SAMD3: variants seen among roughly 807,000 people sequenced by gnomAD.
SAMD3 encodes the protein sterile alpha motif domain-containing protein 3.
Under a neutral mutation model 58.5 loss-of-function variants are expected in SAMD3, and 63 were observed. That is an observed-to-expected ratio of 1.08 (90% CI 0.88 to 1.33). The LOEUF (loss-of-function observed/expected upper bound fraction) is 1.33. Among genes scored for constraint, SAMD3 ranks in the 40% most tolerant of loss-of-function variants. SAMD3 has a pLI of 0.00. For missense variants in SAMD3, 604 were observed against 608.4 expected, an observed-to-expected ratio of 0.99 and a Z score of 0.08; for synonymous variants, 220 against 210.3, an observed-to-expected ratio of 1.05 and a Z score of -0.40.
intron 1 of SAMD3, among the ~76,000 whole-genome samples, chr6:130,359,550 A>G (rs1404390805): frequency 6.6e-6 from 1 of 152,216 alleles, no homozygotes; most frequent in Non-Finnish European, 1.5e-5. Context: ...TCCTTTGAAC[A>G]AAGGATTTCT....
intron 5 of SAMD3, among the ~76,000 whole-genome samples, chr6:130,208,038 C>G (rs902246419): frequency 1.3e-5 from 2 of 152,234 alleles, no homozygotes; most frequent in African/African-American, 4.8e-5. Context: ...GAGGCAACAA[C>G]AGTCCACTTG....
intron 1 of SAMD3, among the ~76,000 whole-genome samples, chr6:130,331,680 T>G (rs1254276037): frequency 1.3e-5 from 2 of 152,100 alleles, no homozygotes; most frequent in Non-Finnish European, 2.9e-5. Flanking sequence ...GATAGCACCA[T>G]TGCACTCCAG....
intron 2 of SAMD3, among the ~76,000 whole-genome samples, chr6:130,256,294 G>T (rs1471907709): frequency 6.6e-6 from 1 of 151,636 alleles, no homozygotes; most frequent in African/African-American, 2.4e-5. Flanking sequence ...TCTGCAACTA[G>T]GACTTTTATA....
intron 5 of SAMD3, among the ~76,000 whole-genome samples, chr6:130,197,350 C>T (rs1480216701): frequency 5.3e-5 from 8 of 152,186 alleles, no homozygotes; most frequent in Admixed American, 3.3e-4. Flanking sequence ...CGGTTTACAC[C>T]GTTTCTCCAA....
At chr6:130,208,123 C>T (rs566343928) in intron 5 of SAMD3, among the ~76,000 whole-genome samples, 1 of 152,312 alleles carries the variant, frequency 6.6e-6, no homozygotes, top group South Asian at 2.1e-4. Context: ...AGAATAATGC[C>T]CACCTTGCAG....
At chr6:130,182,076 A>AC (rs1562407837) in intron 7 of SAMD3, among the ~76,000 whole-genome samples, 2 of 147,612 alleles carry the variant, frequency 1.4e-5, no homozygotes, top group African/African-American at 5.0e-5. Context: ...AAAAAAAAAA[A>AC]AAAAAAAAAA....
intron 5 of SAMD3, among the ~76,000 whole-genome samples, chr6:130,190,596 A>G (rs757368845): frequency 1.3e-5 from 2 of 152,236 alleles, no homozygotes; most frequent in Non-Finnish European, 2.9e-5. Context: ...ATGGAGATTT[A>G]GGAGGAAATA....
intron 3 of SAMD3, among the ~76,000 whole-genome samples, chr6:130,214,898 C>G (rs1795899446): frequency 6.6e-6 from 1 of 152,170 alleles, no homozygotes; most frequent in Non-Finnish European, 1.5e-5. Flanking sequence ...AAAATACATA[C>G]TGTATTACTT....
At chr6:130,224,003 C>T (rs1019314428), upstream of SAMD3, among the ~76,000 whole-genome samples, 1 of 152,068 alleles carries the variant, frequency 6.6e-6, no homozygotes, top group Non-Finnish European at 1.5e-5. Context: ...AATGGGTGCA[C>T]AGTTTTATTG....
At chr6:130,303,495 G>A (rs1196941392) in intron 2 of SAMD3, among the ~76,000 whole-genome samples, 1 of 151,940 alleles carries the variant, frequency 6.6e-6, no homozygotes, top group East Asian at 1.9e-4. Context: ...CCTCTCCCAG[G>A]CCTTTCCATG....
At chr6:130,352,973 C>T (rs565368173) in intron 1 of SAMD3, among the ~76,000 whole-genome samples, 42 of 152,256 alleles carry the variant, frequency 2.8e-4, no homozygotes, top group African/African-American at 7.5e-4. Flanking sequence ...ATGTTTCTAT[C>T]GGCAAAAAGC....
At chr6:130,294,459 T>C (rs961277553) in intron 2 of SAMD3, among the ~76,000 whole-genome samples, 8 of 152,188 alleles carry the variant, frequency 5.3e-5, no homozygotes, top group Non-Finnish European at 1.5e-5. Flanking sequence ...ATTTGTGAAG[T>C]TCTTTAGACT....
intron 2 of SAMD3, among the ~76,000 whole-genome samples, chr6:130,240,881 A>G (rs1294574964): frequency 6.6e-6 from 1 of 152,208 alleles, no homozygotes; most frequent in East Asian, 1.9e-4. Flanking sequence ...CTTATAAATT[A>G]CGCAGTCTCA....
chr6:130,278,816 T>TGGTA (rs1774877415), intron 2 of SAMD3, among the ~76,000 whole-genome samples: 1 of 152,128 alleles, frequency 6.6e-6, no homozygotes, highest in Non-Finnish European at 1.5e-5. Flanking sequence ...GAGAACTGGA[T>TGGTA]AGTAGTAAAG....
At chr6:130,160,388 T>G (rs1035080101) in intron 8 of SAMD3, 2 of 152,330 alleles carry the variant, frequency 1.3e-5, no homozygotes, top group Non-Finnish European at 2.9e-5. Flanking sequence ...AGCCAACATA[T>G]AGTTTTCATA....
chr6:130,301,419 G>A (rs1463860659), intron 2 of SAMD3, among the ~76,000 whole-genome samples: 2 of 152,102 alleles, frequency 1.3e-5, no homozygotes, highest in African/African-American at 2.4e-5. Flanking sequence ...ACACTGATGA[G>A]TGAGATCACC....
rs535259322 is a variant in SAMD3 at position 130,166,398 on chromosome 6, A to G, written c.822+9443T>C. Among the ~76,000 whole-genome samples, 7 of 152,250 alleles carry G rather than the reference A, an allele frequency of 4.6e-5. No homozygotes were observed. In the East Asian group the frequency reaches 1.2e-3, roughly 25 times the overall value. ...ATAAGAACAGTCTGTATATGCTGTT[A>G]AATAGAGATCTCCACGTAATGAACC... is the stretch of plus-strand genomic sequence containing the variant. On this transcript the variant is annotated intron_variant, in intron 8 of 11. Coordinates refer to ENST00000439090, the MANE Select transcript of SAMD3 (RefSeq NM_001017373.4).
chr6:130,207,322 C>T (rs1795174234), intron 5 of SAMD3, among the ~76,000 whole-genome samples: 1 of 152,100 alleles, frequency 6.6e-6, no homozygotes, highest in Admixed American at 6.5e-5. Flanking sequence ...ACCGAGTGCC[C>T]TCTGTGTGCT....
At chr6:130,196,648 G>A (rs1794145494) in intron 5 of SAMD3, among the ~76,000 whole-genome samples, 1 of 152,186 alleles carries the variant, frequency 6.6e-6, no homozygotes, top group African/African-American at 2.4e-5. Context: ...TAACTTCTCA[G>A]TGTTCCATCT....
Sources: allele counts gnomAD v4.1 joint callset (sites outside exome capture counted in the v4.1 genomes callset), GRCh38; gene constraint gnomAD v4.1.1; transcripts MANE v1.5; gene names NCBI Gene and HGNC (gene_info 2026-07-23, HGNC 2026-07-21).